Variants in GRID1 observed in about 807,000 individuals in gnomAD.
The protein encoded by GRID1 is glutamate receptor ionotropic, delta-1.
Under a neutral mutation model 98.0 loss-of-function variants are expected in GRID1, and 28 were observed. The observed-to-expected ratio is 0.29, with a 90% CI of 0.21 to 0.39. GRID1 has a LOEUF of 0.39. GRID1 is among the 10% of genes least tolerant of loss of function. The pLI, the probability that GRID1 is intolerant of heterozygous loss-of-function variation, is 1.00. For missense variants in GRID1, 1,111 were observed against 1,340.5 expected (o/e 0.83, Z 2.67); for synonymous variants, 553 against 538.5 (o/e 1.03, Z -0.37).
intron 3 of GRID1, among the ~76,000 whole-genome samples, chr10:86,193,884 C>T (rs1845838732): frequency 6.6e-6 from 1 of 152,020 alleles, no homozygotes; most frequent in Admixed American, 6.6e-5. Flanking sequence ...CTCACTCCCA[C>T]CAAGCTGCAG....
At chr10:85,952,969 A>AT (rs537452973) in intron 4 of GRID1, among the ~76,000 whole-genome samples, 133 of 152,260 alleles carry the variant, frequency 8.7e-4, no homozygotes, top group African/African-American at 3.1e-3. Flanking sequence ...TAGTAACTAT[A>AT]TTTTTTTCTT....
At chr10:85,751,175 A>G (rs892487219) in intron 8 of GRID1, among the ~76,000 whole-genome samples, 5 of 152,316 alleles carry the variant, frequency 3.3e-5, no homozygotes, top group Admixed American at 3.3e-4. Flanking sequence ...AACGGAGCAG[A>G]AAGTCTGGCT....
intron 3 of GRID1, among the ~76,000 whole-genome samples, chr10:86,188,970 C>A (rs1249484971): frequency 6.6e-6 from 1 of 152,034 alleles, no homozygotes; most frequent in Non-Finnish European, 1.5e-5. Flanking sequence ...TGAAGCCCCA[C>A]TCCGCCAGGC....
chr10:85,811,542 G>A (rs1408160220), intron 8 of GRID1, among the ~76,000 whole-genome samples: 1 of 152,014 alleles, frequency 6.6e-6, no homozygotes, highest in African/African-American at 2.4e-5. Flanking sequence ...TTCTAGACCT[G>A]AAAAACTTAA....
intron 12 of GRID1, among the ~76,000 whole-genome samples, chr10:85,677,483 T>C (rs1841157891): frequency 6.6e-6 from 1 of 152,244 alleles, no homozygotes; most frequent in African/African-American, 2.4e-5. Context: ...GCACCTATCA[T>C]GTGCTAGATA....
intron 2 of GRID1, among the ~76,000 whole-genome samples, chr10:86,212,062 A>T (rs1475582971): frequency 6.6e-6 from 1 of 152,212 alleles, no homozygotes; most frequent in African/African-American, 2.4e-5. Flanking sequence ...AGGTCACTCT[A>T]GGCGCCATCA....
At chr10:85,846,898 A>G (rs1843011788) in intron 8 of GRID1, among the ~76,000 whole-genome samples, 1 of 152,256 alleles carries the variant, frequency 6.6e-6, no homozygotes, top group African/African-American at 2.4e-5. Flanking sequence ...CTCCAAAACC[A>G]GCAGCTAGCC....
intron 8 of GRID1, among the ~76,000 whole-genome samples, chr10:85,784,558 G>A (rs1050495821): frequency 6.6e-6 from 1 of 152,190 alleles, no homozygotes; most frequent in Non-Finnish European, 1.5e-5. Context: ...CTACCAAGTG[G>A]GATGCTTACT....
rs144892597 is a variant in GRID1, at chr10:85,960,987, G to A, written c.727-44748C>T. Among the ~76,000 whole-genome samples, 348 of 151,980 alleles carry A rather than the reference G, an allele frequency of 2.3e-3. 2 individuals are homozygous for A. The highest frequency in any genetic ancestry group is 7.8e-3 in the African/African-American group (323 of 41,460). On this transcript the variant is annotated intron_variant, in intron 4 of 15. Coordinates refer to ENST00000327946, the MANE Select transcript of GRID1 (RefSeq NM_017551.3). ...CAGAGAGAGGCTCGGTGGTAGAGTC[G>A]CACGGAGGCTGGCAAGGAGCTCTCT...
chr10:86,098,293 T>G (rs1844249739), intron 4 of GRID1, among the ~76,000 whole-genome samples: 1 of 152,254 alleles, frequency 6.6e-6, no homozygotes, highest in African/African-American at 2.4e-5. Flanking sequence ...CAAAGATCCC[T>G]ACAGAATCTT....
chr10:86,332,595 G>A (rs577123469), intron 2 of GRID1, among the ~76,000 whole-genome samples: 1 of 151,998 alleles, frequency 6.6e-6, no homozygotes, highest in Non-Finnish European at 1.5e-5. Context: ...CAGCTCCCTG[G>A]AATTGACACT....
chr10:85,709,364 TA>T (rs1393222933), intron 12 of GRID1, among the ~76,000 whole-genome samples: 2 of 152,234 alleles, frequency 1.3e-5, no homozygotes, highest in Non-Finnish European at 2.9e-5. Flanking sequence ...GAACAATAAA[TA>T]AAAATATTTG....
Position 86,115,102 on chromosome 10 carries a change from C to G in GRID1, c.726+23717G>C, listed in dbSNP as rs138863012. On this transcript the variant is annotated intron_variant, in intron 4 of 15. Transcript: ENST00000327946. ...CCGGGGGCTATGAAAGGTAACATAC[C>G]TGGAGAGTTTGGGGAGATGGCGGCT... Among the ~76,000 whole-genome samples, 198 of 152,240 alleles carry G rather than the reference C, an allele frequency of 1.3e-3. 5 individuals carry two copies. The East Asian group carries it at 0.034, about 26-fold the overall frequency.
rs1301262247 is a variant in GRID1, at chr10:86,163,048, C to A, written c.521-24024G>T. Among the ~76,000 whole-genome samples the A allele has an allele frequency of 2.0e-5, 3 of 152,202 alleles. No homozygotes were observed. The East Asian group carries it at 5.8e-4, about 29-fold the overall frequency. On this transcript the variant is annotated intron_variant, in intron 3 of 15. Coordinates refer to ENST00000327946, the MANE Select transcript of GRID1 (RefSeq NM_017551.3). ...ATAAGAACCTGAGGAAACACAGGGG[C>A]TGAGATTCCAAAACTGAGGGCCAGG... is the stretch of plus-strand genomic sequence containing the variant.
At chr10:86,063,973 A>T (rs1344845580) in intron 4 of GRID1, among the ~76,000 whole-genome samples, 1 of 152,210 alleles carries the variant, frequency 6.6e-6, no homozygotes, top group Non-Finnish European at 1.5e-5. Context: ...CCCTTTAAAA[A>T]AGAGTGTGTC....
At chr10:85,837,770 G>A (rs530436932) in intron 8 of GRID1, among the ~76,000 whole-genome samples, 11 of 152,248 alleles carry the variant, frequency 7.2e-5, no homozygotes, top group Admixed American at 1.3e-4. Flanking sequence ...CCAAATGACC[G>A]CATCATCTCT....
At chr10:85,856,226 G>T (rs375215219) in intron 6 of GRID1, 36 bp from the exon 7 acceptor site, 117 of 1,599,652 alleles carry the variant, frequency 7.3e-5, no homozygotes, top group Non-Finnish European at 9.7e-5. Context: ...CTTTCCACAG[G>T]TGCATTTCTA....
rs542478485 is a variant in GRID1 at position 85,927,129 on chromosome 10, T to A, written c.727-10890A>T. ...CTGCCTTGCAAGTTAGGACAGGAAGTGTGTGGGCAAGCTGACCACGTGAGA... is the reference window on the plus strand; with the variant it reads ...CTGCCTTGCAAGTTAGGACAGGAAGAGTGTGGGCAAGCTGACCACGTGAGA... On this transcript the variant is annotated intron_variant, in intron 4 of 15. Coordinates refer to ENST00000327946, the MANE Select transcript of GRID1 (RefSeq NM_017551.3). Among the ~76,000 whole-genome samples, 240 of 152,266 alleles carry A rather than the reference T, an allele frequency of 1.6e-3. 1 individual carries two copies. Among genetic ancestry groups the A allele is most frequent in the Non-Finnish European group, 2.6e-3 (180 of 68,004 alleles).
At chr10:85,842,295 A>AAC (rs1435967080) in intron 8 of GRID1, among the ~76,000 whole-genome samples, 4 of 152,038 alleles carry the variant, frequency 2.6e-5, no homozygotes, top group Non-Finnish European at 5.9e-5. Context: ...CATAGATGGA[A>AAC]ACACACACTG....
Sources: allele counts gnomAD v4.1 joint callset (sites outside exome capture counted in the v4.1 genomes callset), GRCh38; gene constraint gnomAD v4.1.1; transcripts MANE v1.5; gene names NCBI Gene and HGNC (gene_info 2026-07-23, HGNC 2026-07-21).